Variants in STARD3NL observed in about 807,000 individuals in gnomAD.
STARD3NL encodes the protein STARD3 N-terminal like.
A neutral mutation model predicts 30.9 loss-of-function variants in STARD3NL; 17 were observed. The observed-to-expected ratio is 0.55, with a 90% CI of 0.38 to 0.82. The LOEUF is 0.82. STARD3NL is among the 40% of genes least tolerant of loss of function. The pLI is 0.00. For missense variants in STARD3NL, 234 were observed against 277.6 expected, an observed-to-expected ratio of 0.84 and a Z score of 1.12; for synonymous variants, 112 against 100.5, an observed-to-expected ratio of 1.11 and a Z score of -0.69.
At chr7:38,179,190 C>A (rs1784146179) in intron 1 of STARD3NL, 1 of 152,170 alleles carries the variant, frequency 6.6e-6, no homozygotes, top group African/African-American at 2.4e-5. Context: ...GGAATTAGTC[C>A]AGTTTGCCAC....
rs1438441169 is a variant in STARD3NL at position 38,207,504 on chromosome 7, G to T, written c.-1G>T. 1 of 1,613,646 alleles carries T rather than the reference G, an allele frequency of 6.2e-7. No homozygotes were observed. The highest frequency in any genetic ancestry group is 1.7e-5 in the Admixed American group (1 of 59,930). Reference sequence around the variant, plus strand: ...AAAGGCTCCTGTAACCCTCCTCCAGGATGAACCACCTGCCAGAAGACATGG... The same window carrying T: ...AAAGGCTCCTGTAACCCTCCTCCAGTATGAACCACCTGCCAGAAGACATGG... On this transcript the variant is annotated 5_prime_UTR_variant, in exon 2 of 9. Transcript: ENST00000009041.
intron 8 of STARD3NL, 142 bp downstream of exon 8, chr7:38,229,013 T>C (rs1266310340): frequency 5.4e-6 from 3 of 552,868 alleles, no homozygotes; most frequent in Non-Finnish European, 9.3e-6. Context: ...CAGTCACATT[T>C]TATTAATGCC....
chr7:38,222,186 G>A (rs936669544), intron 7 of STARD3NL, among the ~76,000 whole-genome samples: 1 of 106,874 alleles, frequency 9.4e-6, no homozygotes, highest in Non-Finnish European at 2.1e-5. Context: ...CACACACACA[G>A]AGTGGTAAAA....
At position 38,230,551 on chromosome 7, in the gene STARD3NL, TTC is replaced by T. The variant is rs1787041447; in HGVS notation, c.*650_*651del. The T allele has an allele frequency of 6.6e-6, 1 of 152,262 alleles. No individual in the cohort carries two copies. The highest frequency in any genetic ancestry group is 2.1e-4 in the South Asian group (1 of 4,836). The allele number at this position is 152,262 out of a possible 1,614,324, so 9.4% of individuals were successfully genotyped here. A position where few individuals can be genotyped will look rare whatever the true frequency, so the allele number is the denominator to read the frequency against. ...TTATTTTTATCATGAAATCATGTTT[TTC>T]TCTGATTGTTCTGAAATGTTCTAAA... On this transcript the variant is annotated 3_prime_UTR_variant, in exon 9 of 9. Transcript: ENST00000009041.
intron 1 of STARD3NL, among the ~76,000 whole-genome samples, chr7:38,199,403 G>A (rs1785073248): frequency 6.6e-6 from 1 of 152,338 alleles, no homozygotes; most frequent in South Asian, 2.1e-4. Context: ...CTCTCTGCTA[G>A]TATATGTGCT....
At chr7:38,183,550 G>A (rs551962955) in intron 1 of STARD3NL, among the ~76,000 whole-genome samples, 1 of 152,192 alleles carries the variant, frequency 6.6e-6, no homozygotes, top group Non-Finnish European at 1.5e-5. Context: ...CTATATACTT[G>A]TATTCATTTT....
chr7:38,212,280 T>G (rs929218507), intron 2 of STARD3NL, among the ~76,000 whole-genome samples: 1 of 152,214 alleles, frequency 6.6e-6, no homozygotes, highest in East Asian at 1.9e-4. Context: ...TGAGCACACT[T>G]GCCTTCTTCT....
At chr7:38,227,510 A>G (rs1455194486) in intron 7 of STARD3NL, among the ~76,000 whole-genome samples, 1 of 152,210 alleles carries the variant, frequency 6.6e-6, no homozygotes, top group Admixed American at 6.5e-5. Flanking sequence ...GTTCTTGGCT[A>G]TAATTCAGGT....
intron 1 of STARD3NL, among the ~76,000 whole-genome samples, chr7:38,186,548 G>A (rs1784465862): frequency 6.6e-6 from 1 of 152,144 alleles, no homozygotes; most frequent in South Asian, 2.1e-4. Context: ...CAACATTTAG[G>A]TCAACAATGG....
rs7795499 is a variant in STARD3NL, at chr7:38,228,794, C to T, written c.650-5C>T. The T allele has an allele frequency of 0.46, 731,746 of 1,605,086 alleles. 169,010 individuals carry two copies. Among genetic ancestry groups the T allele is most frequent in the East Asian group, 0.54 (24,132 of 44,698 alleles). ...TTTTTCTTTGTCCCCTTCTCCACCA[C>T]GTAGGATCTGAAGAAGCTGAAGAAA... On this transcript the variant is annotated splice_polypyrimidine_tract_variant and splice_region_variant and intron_variant, in intron 7 of 8. Coordinates refer to ENST00000009041, the MANE Select transcript of STARD3NL (RefSeq NM_032016.4).
rs771503492 is a variant in STARD3NL at position 38,219,543 on chromosome 7, A to G, written c.554-22A>G. 2.6e-6 allele frequency: 4 copies of G among 1,561,142 alleles called. No homozygotes were observed. In the South Asian group the frequency reaches 4.6e-5, roughly 18 times the overall value. On this transcript the variant is annotated intron_variant, in intron 6 of 8. Transcript: ENST00000009041. ...CCAGAAAGGTGACCTCATTCCCAACATCTGAATTTCTTCTCTTCCAGGACT... is the reference window on the plus strand; with the variant it reads ...CCAGAAAGGTGACCTCATTCCCAACGTCTGAATTTCTTCTCTTCCAGGACT...
At chr7:38,179,080 T>A (rs1351743893) in intron 1 of STARD3NL, 1 of 152,258 alleles carries the variant, frequency 6.6e-6, no homozygotes, top group African/African-American at 2.4e-5. Flanking sequence ...ATTTGTCTTC[T>A]ATTTCACAGA....
intron 1 of STARD3NL, among the ~76,000 whole-genome samples, chr7:38,202,671 C>G (rs1479623385): frequency 1.3e-5 from 2 of 150,138 alleles, no homozygotes; most frequent in South Asian, 2.1e-4. Context: ...TGTGCTGCAC[C>G]CATTAACTCA....
chr7:38,209,283 CT>C (rs36105312), intron 2 of STARD3NL, among the ~76,000 whole-genome samples: 2,119 of 146,708 alleles, frequency 0.014, 60 homozygotes, highest in African/African-American at 0.05. Flanking sequence ...GGAAATGCGT[CT>C]TTTTTTTTTT....
chr7:38,190,147 C>T (rs1450257939), intron 1 of STARD3NL, among the ~76,000 whole-genome samples: 1 of 152,106 alleles, frequency 6.6e-6, no homozygotes, highest in African/African-American at 2.4e-5. Context: ...TTTACTTATA[C>T]AATAATGGGC....
chr7:38,179,258 C>CA (rs1784148936), intron 1 of STARD3NL: 2 of 152,194 alleles, frequency 1.3e-5, no homozygotes, highest in African/African-American at 4.8e-5. Context: ...CATATCTACC[C>CA]ATACGCCTCT....
At chr7:38,218,620 T>A (rs1174911751) in intron 6 of STARD3NL, among the ~76,000 whole-genome samples, 1 of 152,220 alleles carries the variant, frequency 6.6e-6, no homozygotes, top group African/African-American at 2.4e-5. Flanking sequence ...AAATTTTAAA[T>A]TAGCACTTAT....
At chr7:38,194,927 G>A (rs572070631) in intron 1 of STARD3NL, among the ~76,000 whole-genome samples, 1 of 152,146 alleles carries the variant, frequency 6.6e-6, no homozygotes, top group South Asian at 2.1e-4. Context: ...AAAAGTAAAT[G>A]TCAAAACCTT....
In STARD3NL at chr7:38,206,053, A is replaced by G. The variant is rs537176108; in HGVS notation, c.-58-1394A>G. 2.6e-5 allele frequency among the ~76,000 whole-genome samples: 4 copies of G among 152,344 alleles called. No individual in the cohort carries two copies. In the South Asian group the frequency reaches 8.3e-4, roughly 32 times the overall value. On this transcript the variant is annotated intron_variant, in intron 1 of 8. Transcript: ENST00000009041. ...CACCACATTGTTAAAAAGTATGAGA[A>G]AGACTTTTGTTCCTGAGTGTGGAAA...
Sources: allele counts gnomAD v4.1 joint callset (sites outside exome capture counted in the v4.1 genomes callset), GRCh38; gene constraint gnomAD v4.1.1; transcripts MANE v1.5; gene names NCBI Gene and HGNC (gene_info 2026-07-23, HGNC 2026-07-21).